The following ZNF69 variants were observed in gnomAD, a reference collection of about 807,000 sequenced individuals.
The protein encoded by ZNF69 is ZNF3.
ZNF69 carries 47 observed loss-of-function variants against 50.9 expected under a neutral mutation model. That is an observed-to-expected ratio of 0.92 (90% CI 0.73 to 1.18). The LOEUF is 1.18. ZNF69 is among the 50% of genes most tolerant of loss of function. The pLI is 0.00. For synonymous variants in ZNF69, 216 were observed against 223.1 expected (o/e 0.97, Z 0.29); for missense variants, 717 against 675.1 (o/e 1.06, Z -0.69).
chr19:11,924,663 C>T, the ZNF69 span, among the ~76,000 whole-genome samples: 2 of 152,074 alleles, frequency 1.3e-5, no homozygotes, highest in Non-Finnish European at 2.9e-5. Flanking sequence ...CTTGGCCACG[C>T]CTCATCCCCA....
chr19:11,892,323 G>A (rs1977114810), intron 1 of ZNF69, among the ~76,000 whole-genome samples: 1 of 152,006 alleles, frequency 6.6e-6, no homozygotes, highest in Admixed American at 6.6e-5. Flanking sequence ...CCCAGCGCTT[G>A]TTTTCTTTTC....
the ZNF69 span, chr19:11,979,794 A>G: frequency 5.6e-5 from 88 of 1,576,232 alleles, no homozygotes; most frequent in Non-Finnish European, 6.7e-5. Flanking sequence ...GAGAAACCCT[A>G]TGAGTGTAAG....
chr19:11,941,177 G>A, the ZNF69 span, among the ~76,000 whole-genome samples: 1 of 152,242 alleles, frequency 6.6e-6, no homozygotes, highest in Non-Finnish European at 1.5e-5. Flanking sequence ...CAATCCCTGG[G>A]CTAGACATAA....
At chr19:11,927,057 T>C in the ZNF69 span, among the ~76,000 whole-genome samples, 1 of 152,098 alleles carries the variant, frequency 6.6e-6, no homozygotes, top group African/African-American at 2.4e-5. Flanking sequence ...AGAGAGTTTA[T>C]TGAAAGCTAC....
chr19:11,931,916 G>A, the ZNF69 span, among the ~76,000 whole-genome samples: 2 of 147,824 alleles, frequency 1.4e-5, no homozygotes, highest in African/African-American at 5.3e-5. Flanking sequence ...AGGAGTTCAA[G>A]ATCACCCTGA....
chr19:11,900,740 G>C (rs1036148654), intron 1 of ZNF69, among the ~76,000 whole-genome samples: 1 of 152,138 alleles, frequency 6.6e-6, no homozygotes, highest in Admixed American at 6.5e-5. Flanking sequence ...GATCAGATAG[G>C]TGTCTTGCAA....
At chr19:11,935,060 C>A in the ZNF69 span, among the ~76,000 whole-genome samples, 3 of 144,578 alleles carry the variant, frequency 2.1e-5, 1 homozygote, top group Non-Finnish European at 4.5e-5. Context: ...GCCTATAGTC[C>A]CAGCTACTGG....
At chr19:11,976,837 AGTT>A in the ZNF69 span, 1 of 1,406,358 alleles carries the variant, frequency 7.1e-7, no homozygotes, top group Non-Finnish European at 9.2e-7. Flanking sequence ...CTGGGCAACA[AGTT>A]GTTGTTTTGA....
chr19:11,914,886 G>A (rs561068399), downstream of ZNF69, among the ~76,000 whole-genome samples: 79 of 152,184 alleles, frequency 5.2e-4, no homozygotes, highest in African/African-American at 1.9e-3. Context: ...ATCACACAAA[G>A]TGACTCAGAG....
chr19:11,913,298 A>G, intron 4 of ZNF69: 1 of 527,440 alleles, frequency 1.9e-6, no homozygotes. Context: ...CAGTATAACC[A>G]TGTGGATAAA....
chr19:11,921,950 A>G, the ZNF69 span, among the ~76,000 whole-genome samples: 2 of 152,230 alleles, frequency 1.3e-5, no homozygotes, highest in African/African-American at 4.8e-5. Context: ...AGAAAAGTAA[A>G]AGCTAAGGCC....
At chr19:11,913,554 A>G (rs1599365658) in exon 5 of ZNF69, 1 of 376,310 alleles carries the variant, frequency 2.7e-6, no homozygotes, top group East Asian at 4.0e-5. Context: ...ACGCCAGGCT[A>G]ATTTTTTGTA....
chr19:11,937,045 A>G, the ZNF69 span, among the ~76,000 whole-genome samples: 4 of 152,144 alleles, frequency 2.6e-5, no homozygotes, highest in East Asian at 1.9e-4. Flanking sequence ...CCATTGGTCT[A>G]TATATCTGTT....
At chr19:11,959,504 A>G in the ZNF69 span, among the ~76,000 whole-genome samples, 1 of 152,172 alleles carries the variant, frequency 6.6e-6, no homozygotes, top group Non-Finnish European at 1.5e-5. Flanking sequence ...CCACTTTTGA[A>G]TTCTCAGTAA....
chr19:11,912,093 C>T (rs938825795), intron 4 of ZNF69, among the ~76,000 whole-genome samples: 9 of 152,060 alleles, frequency 5.9e-5, no homozygotes, highest in Non-Finnish European at 1.2e-4. Context: ...TGGTAGGACT[C>T]ACACTGGAGA....
At chr19:11,930,608 C>A in the ZNF69 span, among the ~76,000 whole-genome samples, 1 of 148,508 alleles carries the variant, frequency 6.7e-6, no homozygotes, top group East Asian at 1.9e-4. Context: ...TGATTATTCT[C>A]CTGTAGATAA....
chr19:11,979,643 G>A, the ZNF69 span: 1 of 1,605,460 alleles, frequency 6.2e-7, no homozygotes, highest in Non-Finnish European at 8.5e-7. Flanking sequence ...TAAGCAATGT[G>A]GGAAAGCCTT....
At chr19:11,952,845 A>G in the ZNF69 span, 31,426 of 152,182 alleles carry the variant, frequency 0.21, 7,487 homozygotes, top group African/African-American at 0.59. Flanking sequence ...AGGCTGAGGC[A>G]GGTGGATCAC....
chr19:11,978,368 A>T, the ZNF69 span: 2 of 1,614,226 alleles, frequency 1.2e-6, no homozygotes, highest in Non-Finnish European at 1.7e-6. Flanking sequence ...AGTGTCAACA[A>T]CCTAAGAAAG....
Sources: allele counts gnomAD v4.1 joint callset (sites outside exome capture counted in the v4.1 genomes callset), GRCh38; gene constraint gnomAD v4.1.1; transcripts MANE v1.5; gene names NCBI Gene and HGNC (gene_info 2026-07-23, HGNC 2026-07-21).